GPSM2: variants seen among roughly 807,000 people sequenced by gnomAD.
The protein encoded by GPSM2 is G protein-signaling modulator 2.
GPSM2 carries 58 observed loss-of-function variants against 78.4 expected under a neutral mutation model. The ratio of observed to expected loss-of-function variants is 0.74; its 90% CI spans 0.60 to 0.92. The LOEUF is 0.92. Among genes scored for constraint, GPSM2 ranks in the 40% least tolerant of loss-of-function variants. The pLI, the probability that GPSM2 is intolerant of heterozygous loss-of-function variation, is 0.00. For synonymous variants in GPSM2, 224 were observed against 280.2 expected, an observed-to-expected ratio of 0.80 and a Z score of 2.00; for missense variants, 700 against 815.5, an observed-to-expected ratio of 0.86 and a Z score of 1.73.
intron 2 of GPSM2, among the ~76,000 whole-genome samples, chr1:108,896,167 CCTT>C (rs1052910792): frequency 2.6e-5 from 4 of 152,106 alleles, no homozygotes; most frequent in Admixed American, 6.5e-5. Flanking sequence ...GTGACTTAAT[CCTT>C]CTTTTTCAAT....
chr1:108,902,483 A>G (rs979080759), intron 8 of GPSM2, among the ~76,000 whole-genome samples: 4 of 152,180 alleles, frequency 2.6e-5, no homozygotes, highest in African/African-American at 4.8e-5. Context: ...CCCAACTCCA[A>G]CTAATTGTTG....
At chr1:108,901,268 T>A (rs1001609739) in intron 7 of GPSM2, among the ~76,000 whole-genome samples, 10 of 152,188 alleles carry the variant, frequency 6.6e-5, no homozygotes, top group Admixed American at 2.0e-4. Flanking sequence ...ATTTGGGTAA[T>A]GTTTGGATGT....
In GPSM2 at chr1:108,930,148, A is replaced by G. The variant is rs542144752; in HGVS notation, c.*208A>G. On this transcript the variant is annotated 3_prime_UTR_variant, in exon 15 of 15. Coordinates refer to ENST00000264126, the MANE Select transcript of GPSM2 (RefSeq NM_013296.5). The stretch of plus-strand genomic sequence containing the variant: ...GTGGAGGGGTCCTGTAAGGTGCTTC[A>G]TCGTCTGTGATTACTGCTTGGGATG... 7.3e-4 allele frequency: 408 copies of G among 557,220 alleles called. 1 individual carries two copies. Among genetic ancestry groups the G allele is most frequent in the Non-Finnish European group, 6.5e-4 (207 of 316,392 alleles). 34.5% of individuals were successfully genotyped at this position (557,220 alleles called of 1,614,324 possible). A position where few individuals can be genotyped will look rare whatever the true frequency, so the allele number is the denominator to read the frequency against.
chr1:108,898,599 G>A (rs1245742001), intron 5 of GPSM2, 43 bp from the exon 6 acceptor site: 15 of 1,600,692 alleles, frequency 9.4e-6, no homozygotes, highest in Non-Finnish European at 1.2e-5. Flanking sequence ...ACATAAAATT[G>A]TTCTGCAAAC....
At chr1:108,921,588 ATT>A (rs1650713511) in intron 12 of GPSM2, among the ~76,000 whole-genome samples, 1 of 152,184 alleles carries the variant, frequency 6.6e-6, no homozygotes, top group Non-Finnish European at 1.5e-5. Context: ...TAAAGTCTAC[ATT>A]TGTTAGTATT....
At chr1:108,924,301 C>A (rs1300479011) in intron 14 of GPSM2, 87 bp downstream of exon 14, 1 of 845,938 alleles carries the variant, frequency 1.2e-6, no homozygotes, top group Non-Finnish European at 2.0e-6. Context: ...TCAGGAAGGG[C>A]TTATTTTGTA....
At chr1:108,885,080 A>T (rs1242144522) in intron 1 of GPSM2, among the ~76,000 whole-genome samples, 195 bp from the exon 2 acceptor site, 2 of 152,224 alleles carry the variant, frequency 1.3e-5, no homozygotes, top group Non-Finnish European at 2.9e-5. Flanking sequence ...TAAAAATTAC[A>T]GTTCTCAAAT....
At chr1:108,903,061 G>A (rs2101436556) in intron 8 of GPSM2, 65 bp from the exon 9 acceptor site, 2 of 944,678 alleles carry the variant, frequency 2.1e-6, no homozygotes, top group South Asian at 2.6e-5. Context: ...CTGCTAGATA[G>A]CTTTTATTCT....
chr1:108,884,545 A>G (rs1164420917), intron 1 of GPSM2, among the ~76,000 whole-genome samples: 8 of 152,226 alleles, frequency 5.3e-5, no homozygotes, highest in African/African-American at 1.7e-4. Context: ...TTAGGACTAT[A>G]CTGACATTCG....
intron 11 of GPSM2, among the ~76,000 whole-genome samples, chr1:108,918,288 AC>A (rs1650435524): frequency 6.6e-6 from 1 of 152,134 alleles, no homozygotes; most frequent in South Asian, 2.1e-4. Flanking sequence ...TAAGTAACTC[AC>A]GTCTAGAGTA....
rs538822323 is a variant in GPSM2 at position 108,934,496 on chromosome 1, G to A, written c.*4556G>A. ...AATGAAAAGCTTTTACATATATAAC[G>A]TGTTTGTTAATTCTAATTGTCAGTA... On this transcript the variant is annotated 3_prime_UTR_variant, in exon 15 of 15. Coordinates refer to ENST00000264126, the MANE Select transcript of GPSM2 (RefSeq NM_013296.5). The A allele has an allele frequency of 2.1e-4, 139 of 664,576 alleles. 1 individual carries two copies. The highest frequency in any genetic ancestry group is 4.2e-4 in the Middle Eastern group (1 of 2,376). The allele number at this position is 664,576 out of a possible 1,614,324, so 41.2% of individuals were successfully genotyped here. A position where few individuals can be genotyped will look rare whatever the true frequency, so the allele number is the denominator to read the frequency against.
At chr1:108,886,973 G>A (rs751244080) in intron 2 of GPSM2, among the ~76,000 whole-genome samples, 1 of 151,362 alleles carries the variant, frequency 6.6e-6, no homozygotes, top group East Asian at 1.9e-4. Context: ...TGTAACCTCC[G>A]CCTCCCATGT....
chr1:108,923,870 C>A, intron 13 of GPSM2, 130 bp from the exon 14 acceptor site: 2 of 708,826 alleles, frequency 2.8e-6, no homozygotes, highest in Middle Eastern at 3.3e-4. Context: ...AGCGCTATAG[C>A]AGGAGGGCAG....
chr1:108,928,509 T>C (rs879463633), intron 14 of GPSM2, among the ~76,000 whole-genome samples: 17 of 152,334 alleles, frequency 1.1e-4, no homozygotes, highest in Admixed American at 2.0e-4. Flanking sequence ...CTGAGGGTTG[T>C]GGGCTTAAAT....
intron 14 of GPSM2, among the ~76,000 whole-genome samples, chr1:108,928,950 C>T (rs1651406151): frequency 6.7e-6 from 1 of 149,116 alleles, no homozygotes; most frequent in South Asian, 2.1e-4. Context: ...GATCACACCA[C>T]TGCAGTCCTG....
intron 12 of GPSM2, among the ~76,000 whole-genome samples, chr1:108,921,799 C>G (rs1012909399): frequency 6.6e-6 from 1 of 152,134 alleles, no homozygotes; most frequent in African/African-American, 2.4e-5. Flanking sequence ...TAGTTCCTCT[C>G]TCCTCCTCAG....
chr1:108,885,640 T>C, intron 2 of GPSM2, 62 bp downstream of exon 2: 1 of 947,862 alleles, frequency 1.1e-6, no homozygotes, highest in South Asian at 1.3e-5. Flanking sequence ...TTTTTAACTC[T>C]GATGACCATT....
intron 14 of GPSM2, among the ~76,000 whole-genome samples, chr1:108,928,266 A>T (rs967750156): frequency 3.9e-5 from 6 of 152,268 alleles, no homozygotes; most frequent in African/African-American, 1.4e-4. Flanking sequence ...TATAGAGATA[A>T]CAAGAGGCTA....
chr1:108,931,621 G>T lies in GPSM2; in HGVS notation c.*1681G>T. 2.6e-6 allele frequency: 3 copies of T among 1,151,534 alleles called. No individual in the cohort carries two copies. Among genetic ancestry groups the T allele is most frequent in the South Asian group, 4.3e-5 (2 of 46,892 alleles). The allele number at this position is 1,151,534 out of a possible 1,614,324, so 71.3% of individuals were successfully genotyped here. On this transcript the variant is annotated 3_prime_UTR_variant, in exon 15 of 15. Transcript: ENST00000264126. ...TAACCTGGAATTAATTACATTAAGT[G>T]CTCAGCTAAAAAAAAAAAAAAAGTT...
Sources: gnomAD v4.1 joint callset for allele counts (sites outside exome capture counted in the v4.1 genomes callset) on GRCh38, gnomAD v4.1.1 for gene constraint, MANE v1.5 for transcripts, NCBI Gene and HGNC (gene_info 2026-07-23, HGNC 2026-07-21) for gene names.